The following NRG3 variants were observed in gnomAD, a reference collection of about 807,000 sequenced individuals.
NRG3 encodes pro-neuregulin-3, membrane-bound isoform.
NRG3 carries 31 observed loss-of-function variants against 66.9 expected under a neutral mutation model. The ratio of observed to expected loss-of-function variants is 0.46; its 90% confidence interval spans 0.35 to 0.63. NRG3 has a LOEUF of 0.63. Ranked by LOEUF, NRG3 falls within the 20% of genes least tolerant of loss-of-function variation. The probability of loss-of-function intolerance (pLI) is 0.00; values close to 1 mark genes in which losing one functional copy is unlikely to be tolerated. For missense variants in NRG3, 910 were observed against 878.9 expected (o/e 1.04, Z -0.45); for synonymous variants, 393 against 359.4 (o/e 1.09, Z -1.06).
At chr10:82,749,444 A>G (rs1228116562) in intron 3 of NRG3, among the ~76,000 whole-genome samples, 2 of 152,068 alleles carry the variant, frequency 1.3e-5, no homozygotes, top group East Asian at 3.9e-4. Context: ...ACCCTCTGCT[A>G]CCTTTGCCCT....
At chr10:82,470,576 G>A (rs1841153563) in intron 2 of NRG3, among the ~76,000 whole-genome samples, 1 of 152,210 alleles carries the variant, frequency 6.6e-6, no homozygotes, top group Non-Finnish European at 1.5e-5. Flanking sequence ...GCCCATGACT[G>A]CCTAATGGCA....
chr10:82,834,639 A>G (rs1358534341), intron 3 of NRG3, among the ~76,000 whole-genome samples: 1 of 152,200 alleles, frequency 6.6e-6, no homozygotes, highest in East Asian at 1.9e-4. Context: ...ATTCCTTAAT[A>G]CCATCAACCA....
At chr10:82,316,279 A>G (rs963036440) in intron 1 of NRG3, among the ~76,000 whole-genome samples, 3 of 152,210 alleles carry the variant, frequency 2.0e-5, no homozygotes, top group South Asian at 2.1e-4. Flanking sequence ...ATAGCAATCA[A>G]TGTGCTGGAA....
intron 3 of NRG3, among the ~76,000 whole-genome samples, chr10:82,822,334 C>A (rs571604151): frequency 3.9e-5 from 6 of 152,088 alleles, no homozygotes; most frequent in Non-Finnish European, 8.8e-5. Context: ...ACATCTGAGA[C>A]GGGGAGTTCC....
rs141205010 is a variant in NRG3, at chr10:82,436,152, C to T, written c.953+77284C>T. Among the ~76,000 whole-genome samples, 532 of 152,174 alleles carry T rather than the reference C, an allele frequency of 3.5e-3. 2 individuals are homozygous for T. Among genetic ancestry groups the T allele is most frequent in the African/African-American group, 0.012 (514 of 41,544 alleles). On this transcript the variant is annotated intron_variant, in intron 2 of 8. Transcript: ENST00000372141. ...GACATTGGGGTGTTAAAGTCTCCCA[C>T]TAGTATTGTGTGGGAGTCTAGGTCT...
intron 1 of NRG3, among the ~76,000 whole-genome samples, chr10:81,979,323 C>T (rs1005612555): frequency 4.6e-5 from 7 of 152,048 alleles, no homozygotes; most frequent in African/African-American, 1.7e-4. Flanking sequence ...GGCTTCCACC[C>T]TAACAATAAT....
intron 5 of NRG3, 66 bp downstream of exon 5, chr10:82,951,637 T>C (rs1306464909): frequency 1.5e-6 from 2 of 1,373,342 alleles, no homozygotes; most frequent in Non-Finnish European, 2.1e-6. Flanking sequence ...TTACTTTAAG[T>C]TCTCAGTCTG....
chr10:82,130,169 TTC>T (rs1417380193), intron 1 of NRG3, among the ~76,000 whole-genome samples: 18 of 151,978 alleles, frequency 1.2e-4, no homozygotes, highest in Admixed American at 1.1e-3. Context: ...TCCATTCATA[TTC>T]TTTTATTCTA....
chr10:82,778,575 C>A (rs1357355803), intron 3 of NRG3, among the ~76,000 whole-genome samples: 1 of 152,176 alleles, frequency 6.6e-6, no homozygotes, highest in East Asian at 1.9e-4. Context: ...TTACCTCCAC[C>A]TTGTCCCTCC....
chr10:82,271,753 A>G (rs942758846), intron 1 of NRG3, among the ~76,000 whole-genome samples: 5 of 152,092 alleles, frequency 3.3e-5, no homozygotes, highest in African/African-American at 1.2e-4. Flanking sequence ...AAAGAGAAAC[A>G]GCATGAATAT....
At chr10:82,128,298 A>G (rs1405960122) in intron 1 of NRG3, among the ~76,000 whole-genome samples, 1 of 151,996 alleles carries the variant, frequency 6.6e-6, no homozygotes, top group Non-Finnish European at 1.5e-5. Context: ...CATTTTTCTA[A>G]GGACTGTCAT....
intron 1 of NRG3, among the ~76,000 whole-genome samples, chr10:82,103,961 T>G (rs1347488387): frequency 6.7e-6 from 1 of 150,280 alleles, no homozygotes; most frequent in Non-Finnish European, 1.5e-5. Context: ...ACTAGAAAGA[T>G]TTTTCTCGTG....
chr10:81,875,290 A>C lies in NRG3; in HGVS notation c.-51A>C. 1 of 976,940 alleles carries C rather than the reference A, an allele frequency of 1.0e-6. No homozygotes were observed. Among genetic ancestry groups the C allele is most frequent in the Non-Finnish European group, 1.2e-6 (1 of 826,848 alleles). The allele number at this position is 976,940 out of a possible 1,614,324, so 60.5% of individuals were successfully genotyped here. A position where few individuals can be genotyped will look rare whatever the true frequency, so the allele number is the denominator to read the frequency against. ...GCCCGCGCCCGGCCCGCGCGGCCCC[A>C]TGCCTCTGCCGCGGCCCTCGGGGGG... On this transcript the variant is annotated 5_prime_UTR_variant, in exon 1 of 9. The change abolishes an upstream ATG in the 5' untranslated region. Transcript: ENST00000372141. This position sits in a 1 kb window ranked among gnomAD's most constrained non-coding sequence, Gnocchi z 5.3.
At chr10:81,887,666 TA>T (rs1375956789) in intron 1 of NRG3, among the ~76,000 whole-genome samples, 2 of 152,130 alleles carry the variant, frequency 1.3e-5, no homozygotes, top group Non-Finnish European at 2.9e-5. Flanking sequence ...TGGTGATTTG[TA>T]GGGCACATGA....
intron 3 of NRG3, among the ~76,000 whole-genome samples, chr10:82,823,160 A>C (rs2062028421): frequency 6.6e-6 from 1 of 152,200 alleles, no homozygotes; most frequent in Non-Finnish European, 1.5e-5. Context: ...CAAGGATGAC[A>C]AAATCTTCCT....
chr10:82,194,751 G>T (rs914732028), intron 1 of NRG3, among the ~76,000 whole-genome samples: 3 of 152,118 alleles, frequency 2.0e-5, no homozygotes, highest in African/African-American at 7.2e-5. Context: ...TTGAATAATA[G>T]ATATTATTAT....
chr10:82,109,571 GTGTGTGTA>G (rs756968627), intron 1 of NRG3, among the ~76,000 whole-genome samples: 2,091 of 135,682 alleles, frequency 0.015, 24 homozygotes, highest in African/African-American at 0.038. Context: ...GTGTGTGTGT[GTGTGTGTA>G]TATATATATT....
At chr10:82,486,533 G>A (rs1263113154) in intron 2 of NRG3, among the ~76,000 whole-genome samples, 1 of 151,958 alleles carries the variant, frequency 6.6e-6, no homozygotes, top group Non-Finnish European at 1.5e-5. Flanking sequence ...TTCTGCCTCA[G>A]CCTCCCAAGT....
intron 4 of NRG3, among the ~76,000 whole-genome samples, chr10:82,891,907 A>G (rs1313658963): frequency 2.0e-5 from 3 of 152,140 alleles, no homozygotes. Flanking sequence ...CTTAAGGCTT[A>G]GAAGCTATCT....
Sources: allele counts gnomAD v4.1 joint callset (sites outside exome capture counted in the v4.1 genomes callset), GRCh38; gene constraint gnomAD v4.1.1; non-coding constraint Gnocchi (gnomAD v3.1); transcripts MANE v1.5; gene names NCBI Gene and HGNC (gene_info 2026-07-23, HGNC 2026-07-21).